CACNA1G: variants seen among roughly 807,000 people sequenced by gnomAD.
CACNA1G encodes the protein calcium voltage-gated channel subunit alpha1 G.
In CACNA1G, 67 loss-of-function variants were observed where a neutral mutation model predicts 219.4. That is an observed-to-expected ratio of 0.31 (90% CI 0.25 to 0.37). CACNA1G has a LOEUF of 0.37. CACNA1G is among the 10% of genes least tolerant of loss of function. The pLI, the probability that CACNA1G is intolerant of heterozygous loss-of-function variation, is 1.00. For missense variants in CACNA1G, 2,380 were observed against 3,231.4 expected, an observed-to-expected ratio of 0.74 and a Z score of 6.39; for synonymous variants, 1,296 against 1,345.3, an observed-to-expected ratio of 0.96 and a Z score of 0.80.
chr17:50,624,833 C>T (rs1016164551), intron 37 of CACNA1G, among the ~76,000 whole-genome samples: 5 of 152,214 alleles, frequency 3.3e-5, no homozygotes, highest in Non-Finnish European at 7.3e-5. Context: ...TTTCCTTCCT[C>T]ACCAACCAGA....
At chr17:50,612,145 G>A (rs1472072732) in intron 26 of CACNA1G, among the ~76,000 whole-genome samples, 1 of 152,260 alleles carries the variant, frequency 6.6e-6, no homozygotes, top group Non-Finnish European at 1.5e-5. Context: ...TTACCCCAGA[G>A]GTTCTCCTAC....
In CACNA1G at chr17:50,578,477, G is replaced by T. The variant is rs754691528; in HGVS notation, c.2214G>T (p.Lys738Asn). Residue 738 changes from lysine (K) to asparagine (N), a missense_variant, in exon 9 of 38, where the codon AAG (lysine) becomes AAT (asparagine). Transcript: ENST00000359106. This position sits in a 1 kb window ranked among gnomAD's most constrained non-coding sequence, Gnocchi z 4.5. ...FWRLICDTFR[K>N]IVDSKYFGRG... is the part of the protein sequence containing the mutation. Reference sequence around the variant, plus strand: ...GGCTAATCTGTGACACCTTCCGAAAGATTGTGGACAGCAAGTACTTTGGCC... The same window carrying T: ...GGCTAATCTGTGACACCTTCCGAAATATTGTGGACAGCAAGTACTTTGGCC... 6.3e-7 allele frequency: 1 copy of T among 1,594,626 alleles called. No individual in the cohort carries two copies. The highest frequency in any genetic ancestry group is 1.7e-5 in the Admixed American group (1 of 57,170).
intron 26 of CACNA1G, among the ~76,000 whole-genome samples, chr17:50,612,485 G>GTCGACCTTCACTCACTCACCCTCTTTCCT (rs2049424774): frequency 6.6e-6 from 1 of 152,246 alleles, no homozygotes. Context: ...CACCTGTGGC[G>GTCGACCTTCACTCACTCACCCTCTTTCCT]TCGACCTTCA....
At position 50,599,726 on chromosome 17, in the gene CACNA1G, C is replaced by T; in HGVS notation, c.3557C>T (p.Thr1186Ile). ...DTLQVPGLHR[T>I]ASGRGSASEH... Reference sequence around the variant, plus strand: ...CTGCAGGTGCCAGGGCTGCATCGCACTGCCAGTGGCCGAGGGTCTGCTTCT... The same window carrying T: ...CTGCAGGTGCCAGGGCTGCATCGCATTGCCAGTGGCCGAGGGTCTGCTTCT... The change falls in exon 17 of 38, where the codon ACT becomes ATT. Residue 1186 changes from threonine (T) to isoleucine (I), a missense_variant. By Grantham distance (89) the Thr-to-Ile change is moderately conservative. This residue lies in a region of CACNA1G where 418 missense variants were observed against 434.3 expected (regional missense o/e 0.96). Coordinates refer to ENST00000359106, the MANE Select transcript of CACNA1G (RefSeq NM_018896.5). 6.2e-7 allele frequency: 1 copy of T among 1,613,592 alleles called. No homozygotes were observed. The highest frequency in any genetic ancestry group is 1.1e-5 in the South Asian group (1 of 91,026).
intron 1 of CACNA1G, among the ~76,000 whole-genome samples, chr17:50,565,014 C>T (rs556881065): frequency 6.6e-6 from 1 of 151,932 alleles, no homozygotes; most frequent in South Asian, 2.1e-4. Context: ...GGATTACCCC[C>T]ACCACACAGC....
At chr17:50,593,041 G>C (rs191289967) in intron 13 of CACNA1G, among the ~76,000 whole-genome samples, 5 of 152,146 alleles carry the variant, frequency 3.3e-5, no homozygotes, top group Non-Finnish European at 5.9e-5. Context: ...CTTTCTCCCC[G>C]CTACCCTTTT....
chr17:50,600,607 G>T lies in CACNA1G; in HGVS notation c.3691-119G>T. ...AATAAAGGAAGAGAGGCAGGGCAGA[G>T]CTTGGGCCCCAGGTGGGAGAGGGTA... On this transcript the variant is annotated intron_variant, in intron 17 of 37. Transcript: ENST00000359106. This position sits in a 1 kb window ranked among gnomAD's most constrained non-coding sequence, Gnocchi z 4.1. 3 of 806,594 alleles carry T rather than the reference G, an allele frequency of 3.7e-6. No individual in the cohort carries two copies. Among genetic ancestry groups the T allele is most frequent in the Non-Finnish European group, 6.3e-6 (3 of 477,718 alleles). 50.0% of individuals were successfully genotyped at this position (806,594 alleles called of 1,614,324 possible).
chr17:50,599,445 T>A lies in CACNA1G; in HGVS notation c.3276T>A (p.Ser1092=). The A allele has an allele frequency of 6.4e-7, 1 of 1,557,436 alleles. No homozygotes were observed. Among genetic ancestry groups the A allele is most frequent in the Admixed American group, 1.9e-5 (1 of 52,062 alleles). Residue 1092 remains serine, a synonymous_variant, in exon 17 of 38, where the codon TCT becomes TCA. Transcript: ENST00000359106. Reference sequence around the variant, plus strand: ...ACCCACAGCCCAGCGCCCGCAGCTCTCCGCACAGCCCCTGGAGCGCTGCAA... The same window carrying A: ...ACCCACAGCCCAGCGCCCGCAGCTCACCGCACAGCCCCTGGAGCGCTGCAA... The part of the protein sequence containing the change: ...EMKSPPSARS[S]PHSPWSAASS...
chr17:50,575,983 T>G lies in CACNA1G; in HGVS notation c.1581T>G (p.Asn527Lys). The G allele has an allele frequency of 6.4e-7, 1 of 1,553,174 alleles. No individual in the cohort carries two copies. Among genetic ancestry groups the G allele is most frequent in the Non-Finnish European group, 8.7e-7 (1 of 1,148,640 alleles). ...CGGAGATCCAGGACAGGGATGCCAA[T>G]GGGTCCCGCCGGCTCATGCTGCCAC... The part of the protein sequence containing the change: ...ASPEIQDRDA[N>K]GSRRLMLPPP... The change falls in exon 8 of 38, where the codon AAT (asparagine) becomes AAG (lysine). Residue 527 changes from asparagine to lysine, a missense_variant. Physicochemically the swap from Asn to Lys is moderately conservative, Grantham distance 94. Coordinates refer to ENST00000359106, the MANE Select transcript of CACNA1G (RefSeq NM_018896.5).
Position 50,617,842 on chromosome 17 carries a change from G to A in CACNA1G, c.5156-17G>A, listed in dbSNP as rs755166982. 19 of 1,612,628 alleles carry A rather than the reference G, an allele frequency of 1.2e-5. No homozygotes were observed. The South Asian group carries it at 1.3e-4, about 11-fold the overall frequency. Reference sequence around the variant, plus strand: ...GGACCCAAAGAGGCCAGCTCATGACGTTGTCCTGTTCTGCAGTGCTGAAGC... The same window carrying A: ...GGACCCAAAGAGGCCAGCTCATGACATTGTCCTGTTCTGCAGTGCTGAAGC... On this transcript the variant is annotated splice_polypyrimidine_tract_variant and intron_variant, in intron 29 of 37. Coordinates refer to ENST00000359106, the MANE Select transcript of CACNA1G (RefSeq NM_018896.5). The surrounding 1 kb of genome is among the most constrained non-coding windows in gnomAD (Gnocchi z 5.8).
chr17:50,617,332 G>C lies in CACNA1G; in HGVS notation c.5022-106G>C, dbSNP rs565272726. On this transcript the variant is annotated intron_variant, in intron 28 of 37. Coordinates refer to ENST00000359106, the MANE Select transcript of CACNA1G (RefSeq NM_018896.5). The surrounding 1 kb of genome is among the most constrained non-coding windows in gnomAD (Gnocchi z 5.8). ...CTCTGTGGGATGGGAGGCTGGACCC[G>C]CTGATGTCTGCCCTCCTTTCAAGCC... 2.4e-6 allele frequency: 3 copies of C among 1,269,688 alleles called. No individual in the cohort carries two copies. In the South Asian group the frequency reaches 4.6e-5, roughly 20 times the overall value. 78.7% of individuals were successfully genotyped at this position (1,269,688 alleles called of 1,614,324 possible). A position where few individuals can be genotyped will look rare whatever the true frequency, so the allele number is the denominator to read the frequency against.
chr17:50,602,613 A>T (rs1158965089), intron 19 of CACNA1G, among the ~76,000 whole-genome samples: 1 of 152,020 alleles, frequency 6.6e-6, no homozygotes, highest in East Asian at 1.9e-4. Context: ...CAGGGGTGTG[A>T]CTGTCCACAG....
chr17:50,575,011 G>A (rs905785362), intron 7 of CACNA1G, among the ~76,000 whole-genome samples: 62 of 152,118 alleles, frequency 4.1e-4, no homozygotes, highest in Admixed American at 4.1e-3. Context: ...CATGGCTAAG[G>A]GTCTCTCGCC....
chr17:50,590,563 T>C lies in CACNA1G; in HGVS notation c.2394T>C (p.Gly798=). Reference sequence around the variant, plus strand: ...TGCTGCTGAAGCTGCTTGTGTATGGTCCCTTTGGCTACATCAAGAATCCCT... The same window carrying C: ...TGCTGCTGAAGCTGCTTGTGTATGGCCCCTTTGGCTACATCAAGAATCCCT... The part of the protein sequence containing the change: ...LEMLLKLLVY[G]PFGYIKNPYN... Residue 798 remains glycine, a synonymous_variant, in exon 10 of 38, where the codon GGT becomes GGC. Coordinates refer to ENST00000359106, the MANE Select transcript of CACNA1G (RefSeq NM_018896.5). 6.2e-7 allele frequency: 1 copy of C among 1,613,944 alleles called. No individual in the cohort carries two copies. Among genetic ancestry groups the C allele is most frequent in the Non-Finnish European group, 8.5e-7 (1 of 1,179,846 alleles).
At chr17:50,565,382 T>TGGGGGG (rs150507135) in intron 1 of CACNA1G, among the ~76,000 whole-genome samples, 2 of 113,384 alleles carry the variant, frequency 1.8e-5, no homozygotes, top group East Asian at 3.1e-4. Context: ...GCTTGTGGGG[T>TGGGGGG]GGGGCGGGGG....
At position 50,607,938 on chromosome 17, in the gene CACNA1G, A is replaced by G; in HGVS notation, c.4624A>G (p.Lys1542Glu). 2 of 1,614,026 alleles carry G rather than the reference A, an allele frequency of 1.2e-6. No homozygotes were observed. Among genetic ancestry groups the G allele is most frequent in the Non-Finnish European group, 1.7e-6 (2 of 1,179,872 alleles). The stretch of plus-strand genomic sequence containing the variant: ...GGGTGTGGTGGTGGAGAACTTCCAC[A>G]AGTGTCGGCAGCACCAGGAGGAAGA... ...FVGVVVENFH[K>E]CRQHQEEEEA... is the part of the protein sequence containing the mutation. The change falls in exon 25 of 38, where the codon AAG (lysine) becomes GAG (glutamate). Residue 1542 changes from lysine to glutamate, a missense_variant. Coordinates refer to ENST00000359106, the MANE Select transcript of CACNA1G (RefSeq NM_018896.5).
At chr17:50,585,523 A>C (rs1444110107) in intron 9 of CACNA1G, among the ~76,000 whole-genome samples, 1 of 152,140 alleles carries the variant, frequency 6.6e-6, no homozygotes, top group Non-Finnish European at 1.5e-5. Context: ...AACTCTGAGG[A>C]ATGTTGCCCT....
intron 37 of CACNA1G, among the ~76,000 whole-genome samples, chr17:50,625,034 C>T (rs1163146873): frequency 1.3e-5 from 2 of 148,438 alleles, no homozygotes; most frequent in African/African-American, 2.5e-5. Context: ...CTCCCCGCAA[C>T]CTCCGCCTCC....
rs1427741085 is a variant in CACNA1G, at chr17:50,599,709, G to C, written c.3540G>C (p.Val1180=). The C allele has an allele frequency of 6.2e-7, 1 of 1,613,468 alleles. No individual in the cohort carries two copies. The highest frequency in any genetic ancestry group is 8.5e-7 in the Non-Finnish European group (1 of 1,179,712). Residue 1180 remains valine (V), a synonymous_variant, in exon 17 of 38, where the codon GTG becomes GTC. Coordinates refer to ENST00000359106, the MANE Select transcript of CACNA1G (RefSeq NM_018896.5). ...TTGACCTGCCAGACACACTGCAGGT[G>C]CCAGGGCTGCATCGCACTGCCAGTG... The part of the protein sequence containing the change: ...SSFDLPDTLQ[V]PGLHRTASGR...
Sources: gnomAD v4.1 joint callset for allele counts (sites outside exome capture counted in the v4.1 genomes callset) on GRCh38, gnomAD v4.1.1 for gene constraint, gnomAD v4.1.1 regional missense constraint, Gnocchi (gnomAD v3.1) non-coding constraint, MANE v1.5 for transcripts, NCBI Gene and HGNC (gene_info 2026-07-23, HGNC 2026-07-21) for gene names.